CEP63: variants seen among roughly 807,000 people sequenced by gnomAD.
CEP63 encodes the protein centrosomal protein of 63 kDa.
In CEP63, 84 loss-of-function variants were observed where a neutral mutation model predicts 89.1. The observed-to-expected ratio is 0.94, with a 90% confidence interval of 0.79 to 1.13. The LOEUF (loss-of-function observed/expected upper bound fraction) is 1.13. Ranked by LOEUF, CEP63 falls within the 50% of genes most tolerant of loss-of-function variation. The probability of loss-of-function intolerance (pLI) is 0.00; values close to 1 mark genes in which losing one functional copy is unlikely to be tolerated. For synonymous variants in CEP63, 267 were observed against 272.5 expected (o/e 0.98, Z 0.20); for missense variants, 838 against 813.3 (o/e 1.03, Z -0.37).
At chr3:134,654,940 G>T in the CEP63 span, among the ~76,000 whole-genome samples, 2 of 152,196 alleles carry the variant, frequency 1.3e-5, no homozygotes, top group Admixed American at 1.3e-4. Context: ...CCCTGCTCTT[G>T]TCCCACACCC....
the CEP63 span, among the ~76,000 whole-genome samples, chr3:134,695,432 G>C: frequency 6.6e-6 from 1 of 152,186 alleles, no homozygotes; most frequent in Non-Finnish European, 1.5e-5. Flanking sequence ...ACAGAGAGAT[G>C]GGGCCTGCCC....
At chr3:134,743,110 G>A in the CEP63 span, among the ~76,000 whole-genome samples, 2 of 152,292 alleles carry the variant, frequency 1.3e-5, no homozygotes, top group Non-Finnish European at 2.9e-5. Context: ...GTGCCATATG[G>A]GGCATGCATG....
intron 1 of CEP63, among the ~76,000 whole-genome samples, chr3:134,492,690 A>G (rs1938161101): frequency 6.6e-6 from 1 of 151,814 alleles, no homozygotes; most frequent in South Asian, 2.1e-4. Flanking sequence ...TGGCCACAGT[A>G]GTGATGTCAT....
At chr3:134,751,956 T>C in the CEP63 span, among the ~76,000 whole-genome samples, 1 of 152,174 alleles carries the variant, frequency 6.6e-6, no homozygotes, top group Non-Finnish European at 1.5e-5. Context: ...TGTTTCTGGC[T>C]GCGTTCCTAG....
At chr3:134,496,491 C>T (rs971613761) in intron 2 of CEP63, among the ~76,000 whole-genome samples, 3 of 151,660 alleles carry the variant, frequency 2.0e-5, no homozygotes, top group Non-Finnish European at 4.4e-5. Context: ...AATATTCTGG[C>T]CTGATCTGGA....
At chr3:134,742,975 G>A in the CEP63 span, among the ~76,000 whole-genome samples, 2 of 152,236 alleles carry the variant, frequency 1.3e-5, no homozygotes, top group Non-Finnish European at 2.9e-5. Context: ...GAATCAGCTG[G>A]AACAGCCCAG....
intron 14 of CEP63, among the ~76,000 whole-genome samples, chr3:134,560,012 G>T (rs956743393): frequency 1.3e-5 from 2 of 152,208 alleles, no homozygotes; most frequent in Admixed American, 6.5e-5. Flanking sequence ...GTCACCAGCT[G>T]TGGCCATATA....
At chr3:134,735,537 G>T in the CEP63 span, among the ~76,000 whole-genome samples, 1 of 152,116 alleles carries the variant, frequency 6.6e-6, no homozygotes, top group Non-Finnish European at 1.5e-5. Context: ...AAAGGTATTT[G>T]TTTATAGTAT....
chr3:134,500,149 T>C (rs1461727032), intron 2 of CEP63, among the ~76,000 whole-genome samples: 2 of 152,162 alleles, frequency 1.3e-5, no homozygotes. Context: ...TTGATGTCTG[T>C]GTGTACTCAA....
chr3:134,491,890 TTTTA>T (rs1182711069), intron 1 of CEP63, among the ~76,000 whole-genome samples: 1 of 152,102 alleles, frequency 6.6e-6, no homozygotes, highest in African/African-American at 2.4e-5. Flanking sequence ...TGTCTGGAGT[TTTTA>T]TTTTCTTCCT....
At chr3:134,701,776 G>A in the CEP63 span, among the ~76,000 whole-genome samples, 1 of 152,008 alleles carries the variant, frequency 6.6e-6, no homozygotes, top group Admixed American at 6.6e-5. Flanking sequence ...AGCAAGAGAG[G>A]AAATCAAACT....
rs4974479 is a variant in CEP63, at chr3:134,506,873, A to G, written c.45-236A>G. Among the ~76,000 whole-genome samples, 135,697 of 146,506 alleles carry G rather than the reference A, an allele frequency of 0.93. 62,953 individuals carry two copies. Among genetic ancestry groups the G allele is most frequent in the Admixed American group, 0.95 (13,934 of 14,622 alleles). ...GTGGAGGTTGCAGTGAGCCATGATCATGCCACTGCACTCCAGCCTGGGCAA... is the reference window on the plus strand; with the variant it reads ...GTGGAGGTTGCAGTGAGCCATGATCGTGCCACTGCACTCCAGCCTGGGCAA... On this transcript the variant is annotated intron_variant, in intron 2 of 14. Transcript: ENST00000675561.
the CEP63 span, among the ~76,000 whole-genome samples, chr3:134,748,414 T>C: frequency 2.0e-5 from 3 of 152,060 alleles, no homozygotes; most frequent in African/African-American, 4.8e-5. Flanking sequence ...TAAAACTGTA[T>C]CTTGGAGTTT....
intron 5 of CEP63, among the ~76,000 whole-genome samples, chr3:134,534,689 G>A (rs755033916): frequency 3.3e-5 from 5 of 152,078 alleles, no homozygotes; most frequent in Non-Finnish European, 7.4e-5. Flanking sequence ...ATCGCTGAAC[G>A]TGGCTAGAGA....
the CEP63 span, among the ~76,000 whole-genome samples, chr3:134,730,105 C>G: frequency 6.6e-6 from 1 of 152,178 alleles, no homozygotes; most frequent in African/African-American, 2.4e-5. Flanking sequence ...TGAATGGGGT[C>G]TTACCCATAG....
At chr3:134,622,597 G>A in the CEP63 span, among the ~76,000 whole-genome samples, 1 of 152,196 alleles carries the variant, frequency 6.6e-6, no homozygotes, top group Non-Finnish European at 1.5e-5. Context: ...TAGAGTTTCT[G>A]TTTTGGGTGA....
At chr3:134,575,773 G>A (rs1958201612), downstream of CEP63, among the ~76,000 whole-genome samples, 1 of 151,926 alleles carries the variant, frequency 6.6e-6, no homozygotes, top group Non-Finnish European at 1.5e-5. Context: ...CACCACATCT[G>A]GCTAATTTTT....
At chr3:134,643,228 G>T in the CEP63 span, 1 of 1,292,870 alleles carries the variant, frequency 7.7e-7, no homozygotes, top group Non-Finnish European at 1.1e-6. Context: ...CATAGTCTGA[G>T]CTCCACATCC....
chr3:134,485,726 C>A (rs1158095171), upstream of CEP63: 2 of 153,112 alleles, frequency 1.3e-5, no homozygotes, highest in Non-Finnish European at 2.9e-5. Context: ...CCCTCAGCTG[C>A]GGCTTCCTGC....
Sources: gnomAD v4.1 joint callset for allele counts (sites outside exome capture counted in the v4.1 genomes callset) on GRCh38, gnomAD v4.1.1 for gene constraint, MANE v1.5 for transcripts, NCBI Gene and HGNC (gene_info 2026-07-23, HGNC 2026-07-21) for gene names.